CCDC88B: variants seen among roughly 807,000 people sequenced by gnomAD.
The protein encoded by CCDC88B is coiled-coil domain-containing protein 88B.
A neutral mutation model predicts 183.7 loss-of-function variants in CCDC88B; 138 were observed. The ratio of observed to expected loss-of-function variants is 0.75; its 90% CI spans 0.65 to 0.87. The LOEUF is 0.87. Ranked by LOEUF, CCDC88B falls within the 40% of genes least tolerant of loss-of-function variation. The pLI is 0.00. For synonymous variants in CCDC88B, 835 were observed against 867.5 expected (o/e 0.96, Z 0.66); for missense variants, 1,822 against 1,965.6 (o/e 0.93, Z 1.38).
intron 10 of CCDC88B, 120 bp from the exon 11 acceptor site, chr11:64,343,059 G>A: frequency 8.6e-7 from 1 of 1,169,172 alleles, no homozygotes. Flanking sequence ...GACTGATGGG[G>A]TGCAGGGTGG....
intron 26 of CCDC88B, 97 bp downstream of exon 26, chr11:64,355,725 T>A: frequency 1.6e-6 from 2 of 1,220,322 alleles, no homozygotes; most frequent in African/African-American, 3.1e-5. Flanking sequence ...CAATGATCCT[T>A]TACCAAGTGC....
intron 14 of CCDC88B, 157 bp from the exon 15 acceptor site, chr11:64,349,174 C>A: frequency 1.1e-6 from 1 of 885,284 alleles, no homozygotes. Context: ...CCAGGCTTTG[C>A]TCCCATTTTA....
At chr11:64,345,581 C>T (rs1591284706) in intron 14 of CCDC88B, among the ~76,000 whole-genome samples, 2 of 152,126 alleles carry the variant, frequency 1.3e-5, no homozygotes, top group African/African-American at 2.4e-5. Flanking sequence ...CCAAGTGCTA[C>T]GAGAGCCCAT....
Position 64,343,767 on chromosome 11 carries a change from C to A in CCDC88B, c.1319-11C>A. On this transcript the variant is annotated splice_polypyrimidine_tract_variant and intron_variant, in intron 12 of 26. Transcript: ENST00000356786. ...TAAAGGAGGGGTCCTGACCTCATCT[C>A]TCATCCTCAGCACCCCTAGCAGGAG... 8 of 1,557,832 alleles carry A rather than the reference C, an allele frequency of 5.1e-6. No individual in the cohort carries two copies. Among genetic ancestry groups the A allele is most frequent in the Non-Finnish European group, 7.0e-6 (8 of 1,150,082 alleles).
At position 64,353,796 on chromosome 11, in the gene CCDC88B, G is replaced by A; in HGVS notation, c.3915G>A (p.Val1305=). ...ACCAATACCGCGTGCTGGAGCCTGT[G>A]CCCCTGCCCCGGACCAAGTGAGCAG... is the stretch of plus-strand genomic sequence containing the variant. ...IMDQYRVLEP[V]PLPRTKKGSW... Residue 1305 remains valine, a synonymous_variant, in exon 23 of 27, where the codon GTG becomes GTA. Transcript: ENST00000356786. The A allele has an allele frequency of 6.2e-7, 1 of 1,614,052 alleles. No individual in the cohort carries two copies. Among genetic ancestry groups the A allele is most frequent in the Non-Finnish European group, 8.5e-7 (1 of 1,179,948 alleles).
chr11:64,344,701 G>C lies in CCDC88B; in HGVS notation c.2160G>C (p.Leu720=). 6.2e-7 allele frequency: 1 copy of C among 1,614,156 alleles called. No individual in the cohort carries two copies. The highest frequency in any genetic ancestry group is 8.5e-7 in the Non-Finnish European group (1 of 1,180,010). ...VWEGPIPGES[L]ASGVAEQEAL... is the part of the protein sequence containing the mutation. ...AAGGCCCAATCCCAGGGGAGAGCCT[G>C]GCCAGTGGTGTCGCAGAGCAGGAGG... The change falls in exon 14 of 27, where the codon CTG becomes CTC. Residue 720 remains leucine, a synonymous_variant. Coordinates refer to ENST00000356786, the MANE Select transcript of CCDC88B (RefSeq NM_032251.6). The surrounding 1 kb of genome is among the most constrained non-coding windows in gnomAD (Gnocchi z 4.5).
intron 14 of CCDC88B, chr11:64,349,063 T>C (rs2036225367): frequency 1.4e-6 from 1 of 716,590 alleles, no homozygotes; most frequent in Non-Finnish European, 2.6e-6. Flanking sequence ...GTGACGGCAC[T>C]TGCCCAACAT....
intron 22 of CCDC88B, 87 bp downstream of exon 22, chr11:64,353,583 G>A (rs2036428300): frequency 3.8e-6 from 6 of 1,578,762 alleles, no homozygotes; most frequent in Non-Finnish European, 4.3e-6. Flanking sequence ...CTAGGGACAG[G>A]GTTGGAGCTG....
At position 64,341,484 on chromosome 11, in the gene CCDC88B, C is replaced by G. The variant is rs150457686; in HGVS notation, c.511C>G (p.Leu171Val). ...CCTCAGTCTCGAGGTCCAGAGCGAG[C>G]TGGCCGCTGCCATCCAGGAGGTACT... ...QGLSLEVQSE[L>V]AAAIQEVTQP... is the part of the protein sequence containing the mutation. Residue 171 changes from leucine to valine, a missense_variant, in exon 6 of 27, where the codon CTG (leucine) becomes GTG (valine). Leu to Val is a conservative substitution (Grantham distance 32). Coordinates refer to ENST00000356786, the MANE Select transcript of CCDC88B (RefSeq NM_032251.6). 2.4e-5 allele frequency: 38 copies of G among 1,613,774 alleles called. No individual in the cohort carries two copies. Among genetic ancestry groups the G allele is most frequent in the Non-Finnish European group, 3.2e-5 (38 of 1,180,028 alleles).
At chr11:64,342,934 G>A in intron 10 of CCDC88B, 1 of 527,994 alleles carries the variant, frequency 1.9e-6, no homozygotes, top group Non-Finnish European at 3.3e-6. Flanking sequence ...GGGGGGAGGG[G>A]CGGGGCATGG....
Position 64,343,839 on chromosome 11 carries a change from G to A in CCDC88B, c.1380G>A (p.Arg460=). 1 of 1,598,674 alleles carries A rather than the reference G, an allele frequency of 6.3e-7. No homozygotes were observed. The highest frequency in any genetic ancestry group is 8.5e-7 in the Non-Finnish European group (1 of 1,173,228). ...AGGTGAGGGAGGCAGAGGCTGGGCGGCTTCGGACCCTTGAGAGGGAGAACC... is the reference window on the plus strand; with the variant it reads ...AGGTGAGGGAGGCAGAGGCTGGGCGACTTCGGACCCTTGAGAGGGAGAACC... ...QDEVREAEAG[R]LRTLERENRE... is the part of the protein sequence containing the mutation. The change falls in exon 13 of 27, where the codon CGG becomes CGA. Residue 460 remains arginine, a synonymous_variant. Transcript: ENST00000356786.
chr11:64,348,454 C>T (rs1007638095), intron 14 of CCDC88B, among the ~76,000 whole-genome samples: 4 of 152,238 alleles, frequency 2.6e-5, no homozygotes, highest in African/African-American at 7.2e-5. Flanking sequence ...GTTCTATTCA[C>T]CGTGCCTCCT....
chr11:64,342,689 G>A lies in CCDC88B; in HGVS notation c.1062+9G>A, dbSNP rs2035927814. ...ACAAGAGTCAGCTGGAGGTGAGGCG[G>A]AGACGGAGCCGCGGGGCGGGGCGTG... is the stretch of plus-strand genomic sequence containing the variant. On this transcript the variant is annotated intron_variant, in intron 10 of 26. Coordinates refer to ENST00000356786, the MANE Select transcript of CCDC88B (RefSeq NM_032251.6). 4 of 1,473,126 alleles carry A rather than the reference G, an allele frequency of 2.7e-6. No homozygotes were observed. Among genetic ancestry groups the A allele is most frequent in the South Asian group, 1.3e-5 (1 of 75,200 alleles). The allele number at this position is 1,473,126 out of a possible 1,614,324, so 91.3% of individuals were successfully genotyped here. A position where few individuals can be genotyped will look rare whatever the true frequency, so the allele number is the denominator to read the frequency against.
In CCDC88B at chr11:64,343,272, G is replaced by T; in HGVS notation, c.1156G>T (p.Glu386Ter). The T allele has an allele frequency of 6.5e-7, 1 of 1,549,630 alleles. No individual in the cohort carries two copies. Among genetic ancestry groups the T allele is most frequent in the Non-Finnish European group, 8.7e-7 (1 of 1,146,776 alleles). ...CCGAGAGCGCTGCGCCCGGCTGCAC[G>T]AGACCCAGCGCGAGAACCTGCTGCT... is the stretch of plus-strand genomic sequence containing the variant. The part of the protein sequence containing the change: ...AARERCARLH[E>*]TQRENLLLRT... Residue 386 changes from glutamate to a stop codon, truncating the protein, a stop_gained, in exon 11 of 27, where the codon GAG (glutamate) becomes TAG (stop). Transcript: ENST00000356786. LOFTEE classifies it high-confidence loss of function.
At position 64,355,305 on chromosome 11, in the gene CCDC88B, G is replaced by T. The variant is rs769203271; in HGVS notation, c.4211G>T (p.Arg1404Leu). The change falls in exon 25 of 27, where the codon CGA (arginine) becomes CTA (leucine). Residue 1404 changes from arginine to leucine, a missense_variant. Arg to Leu is a moderately radical substitution (Grantham distance 102). Coordinates refer to ENST00000356786, the MANE Select transcript of CCDC88B (RefSeq NM_032251.6). The stretch of plus-strand genomic sequence containing the variant: ...CTCAGCTCAAGGTTCCCGGTGGGGC[G>T]AAGCTCTGAGTCATTCAGCCCTGGG... ...RKLSSRFPVG[R>L]SSESFSPGDT... The T allele has an allele frequency of 6.3e-7, 1 of 1,592,052 alleles. No homozygotes were observed. The highest frequency in any genetic ancestry group is 1.3e-5 in the African/African-American group (1 of 74,130).
intron 14 of CCDC88B, among the ~76,000 whole-genome samples, chr11:64,346,623 G>C (rs2135308426): frequency 6.6e-6 from 1 of 151,964 alleles, no homozygotes; most frequent in East Asian, 1.9e-4. Flanking sequence ...TGTGTTTTTA[G>C]TAGAGACGGG....
chr11:64,356,558 G>C (rs2036551763), intron 26 of CCDC88B: 1 of 160,052 alleles, frequency 6.2e-6, no homozygotes, highest in African/African-American at 2.4e-5. Flanking sequence ...TGGTGACAGA[G>C]TGAGACTGTC....
chr11:64,347,699 C>T (rs1466453417), intron 14 of CCDC88B, among the ~76,000 whole-genome samples: 1 of 152,096 alleles, frequency 6.6e-6, no homozygotes, highest in Admixed American at 6.6e-5. Context: ...TGGCTTGGGG[C>T]AAGTTACTTA....
intron 18 of CCDC88B, 38 bp downstream of exon 18, chr11:64,351,654 C>G (rs750249371): frequency 4.5e-5 from 68 of 1,511,596 alleles, no homozygotes; most frequent in Non-Finnish European, 5.7e-5. Context: ...TGCCCATGTA[C>G]TGCCCCCTCC....
Sources: gnomAD v4.1 joint callset for allele counts (sites outside exome capture counted in the v4.1 genomes callset) on GRCh38, gnomAD v4.1.1 for gene constraint, Gnocchi (gnomAD v3.1) non-coding constraint, MANE v1.5 for transcripts, NCBI Gene and HGNC (gene_info 2026-07-23, HGNC 2026-07-21) for gene names.